ZNF674: variants seen among roughly 807,000 people sequenced by gnomAD.
ZNF674 encodes zinc finger protein 674, also known as zinc finger family member 674.
ZNF674 carries 2 observed loss-of-function variants against 7.0 expected under a neutral mutation model. That is an observed-to-expected ratio of 0.29 (90% confidence interval 0.12 to 0.90). The LOEUF is 0.90. Among genes scored for constraint, ZNF674 ranks in the 40% least tolerant of loss-of-function variants. The probability of loss-of-function intolerance (pLI) is 0.57; values close to 1 mark genes in which losing one functional copy is unlikely to be tolerated. For missense variants in ZNF674, 297 were observed against 415.5 expected, an observed-to-expected ratio of 0.71 and a Z score of 2.48; for synonymous variants, 103 against 145.2, an observed-to-expected ratio of 0.71 and a Z score of 2.09.
chrX:46,500,502 C>T lies in ZNF674; in HGVS notation c.1072G>A (p.Gly358Arg), dbSNP rs755063842. The T allele has an allele frequency of 5.0e-6, 6 of 1,211,884 alleles. No individual in the cohort carries two copies. In the South Asian group the frequency reaches 8.8e-5, roughly 18 times the overall value. The change falls in exon 6 of 6, where the codon GGG becomes AGG. Residue 358 changes from glycine to arginine, a missense_variant. By Grantham distance (125) the Gly-to-Arg change is moderately radical. Transcript: ENST00000683375. ...TSEKPQCSEH[G>R]KASDEKPSPT... Reference sequence around the variant, plus strand: ...CTGGGCTTCTCATCAGAGGCTTTCCCATGTTCACTGCACTGAGGTTTCTCA... The same window carrying T: ...CTGGGCTTCTCATCAGAGGCTTTCCTATGTTCACTGCACTGAGGTTTCTCA...
chrX:46,530,277 G>A (rs1488892857), intron 3 of ZNF674, among the ~76,000 whole-genome samples: 1 of 111,900 alleles, frequency 8.9e-6, no homozygotes, highest in Non-Finnish European at 1.9e-5. Flanking sequence ...GGTTTCTCCA[G>A]CAGGAGGGCT....
intron 3 of ZNF674, chrX:46,529,170 CCTTT>C: frequency 4.7e-6 from 2 of 429,024 alleles, no homozygotes; most frequent in Non-Finnish European, 8.0e-6. Flanking sequence ...TCCACGCTGG[CCTTT>C]CTTTATATAA....
chrX:46,537,276 T>C (rs941164260), intron 3 of ZNF674, among the ~76,000 whole-genome samples: 1 of 108,492 alleles, frequency 9.2e-6, no homozygotes, highest in Non-Finnish European at 1.9e-5. Flanking sequence ...AAAAAAAAAA[T>C]TGACTCACAC....
intron 5 of ZNF674, among the ~76,000 whole-genome samples, chrX:46,519,032 G>A (rs748268430): frequency 2.7e-4 from 29 of 105,711 alleles, no homozygotes; most frequent in Middle Eastern, 5.4e-3. Context: ...GTGAAACCTC[G>A]TGTATACTAA....
At chrX:46,525,988 A>C (rs1942004362) in intron 5 of ZNF674, among the ~76,000 whole-genome samples, 1 of 112,236 alleles carries the variant, frequency 8.9e-6, no homozygotes, top group African/African-American at 3.2e-5. Context: ...ATTTAAGAAG[A>C]TCTAAATAGA....
In ZNF674 at chrX:46,543,615, C is replaced by T. The variant is rs747203337; in HGVS notation, c.-30+886G>A. ...CCTCTCTAACTGGCCACCTACCCTGCTCCCACCCCACCACTTCCTCCTTTC... is the reference window on the plus strand; with the variant it reads ...CCTCTCTAACTGGCCACCTACCCTGTTCCCACCCCACCACTTCCTCCTTTC... On this transcript the variant is annotated intron_variant, in intron 2 of 5. Transcript: ENST00000683375. 5.4e-5 allele frequency among the ~76,000 whole-genome samples: 6 copies of T among 111,972 alleles called. No individual in the cohort carries two copies. In the East Asian group the frequency reaches 1.7e-3, roughly 32 times the overall value.
rs554833183 is a variant in ZNF674 at position 46,504,790 on chromosome X, G to A, written c.239-3455C>T. ...TTCATGATACTGTTTACCTGGGGAG[G>A]AGATAAGAGGAATAGGCCTCAGGAG... is the stretch of plus-strand genomic sequence containing the variant. On this transcript the variant is annotated intron_variant, in intron 5 of 5. Coordinates refer to ENST00000683375, the MANE Select transcript of ZNF674 (RefSeq NM_001190417.2). Among the ~76,000 whole-genome samples, 7 of 111,668 alleles carry A rather than the reference G, an allele frequency of 6.3e-5. No homozygotes were observed. In the South Asian group the frequency reaches 2.6e-3, roughly 42 times the overall value.
At chrX:46,528,757 C>T in intron 4 of ZNF674, 26 bp downstream of exon 4, 2 of 1,211,477 alleles carry the variant, frequency 1.7e-6, no homozygotes, top group Non-Finnish European at 2.2e-6. Context: ...AGGCATTCTG[C>T]ATCACCCTGT....
intron 5 of ZNF674, among the ~76,000 whole-genome samples, chrX:46,503,640 GA>G (rs1055295512): frequency 9.0e-6 from 1 of 111,476 alleles, no homozygotes; most frequent in Non-Finnish European, 1.9e-5. Flanking sequence ...AAAATTACGG[GA>G]AAAGCTACAT....
In ZNF674 at chrX:46,500,465, T is replaced by C. The variant is rs1263795432; in HGVS notation, c.1109A>G (p.His370Arg). 4.1e-6 allele frequency: 5 copies of C among 1,212,152 alleles called. No individual in the cohort carries two copies. The highest frequency in any genetic ancestry group is 2.2e-5 in the Admixed American group (1 of 46,094). The change falls in exon 6 of 6, where the codon CAT becomes CGT. Residue 370 changes from histidine (H) to arginine (R), a missense_variant. Physicochemically the swap from His to Arg is conservative, Grantham distance 29. Coordinates refer to ENST00000683375, the MANE Select transcript of ZNF674 (RefSeq NM_001190417.2). ...ASDEKPSPTK[H>R]WRTHTKENIY... Reference sequence around the variant, plus strand: ...GTTCTCTTTTGTATGAGTTCTCCAATGTTTAGTGGGACTGGGCTTCTCATC... The same window carrying C: ...GTTCTCTTTTGTATGAGTTCTCCAACGTTTAGTGGGACTGGGCTTCTCATC...
rs1157725839 is a variant in ZNF674, at chrX:46,501,654, GTA to G, written c.239-321_239-320del. Among the ~76,000 whole-genome samples, 5 of 95,623 alleles carry G rather than the reference GTA, an allele frequency of 5.2e-5. No homozygotes were observed. In the South Asian group the frequency reaches 2.0e-3, roughly 39 times the overall value. 83.0% of individuals were successfully genotyped at this position (95,623 alleles called of 115,157 possible). On this transcript the variant is annotated intron_variant, in intron 5 of 5. Transcript: ENST00000683375. ...CTTATATATATATATACATATAATT[GTA>G]TATATATGTGTGTGTGTGTGTGTGT...
intron 5 of ZNF674, among the ~76,000 whole-genome samples, chrX:46,502,167 G>C (rs761364418): frequency 9.1e-6 from 1 of 109,322 alleles, no homozygotes; most frequent in Non-Finnish European, 1.9e-5. Flanking sequence ...TTAGCTGGGC[G>C]TGGTGGCAGG....
chrX:46,510,145 G>C (rs772262407), intron 5 of ZNF674, among the ~76,000 whole-genome samples: 1 of 69,512 alleles, frequency 1.4e-5, no homozygotes, highest in Non-Finnish European at 2.5e-5. Context: ...GTTGTGGGGT[G>C]GGGGGAGGGG....
chrX:46,510,689 G>A (rs1408188777), intron 5 of ZNF674, among the ~76,000 whole-genome samples: 1 of 112,195 alleles, frequency 8.9e-6, no homozygotes, highest in Admixed American at 9.5e-5. Context: ...TACTTGGGAG[G>A]CTGAGGCAGG....
At chrX:46,523,315 A>G (rs1390683600) in intron 5 of ZNF674, 2 of 116,760 alleles carry the variant, frequency 1.7e-5, no homozygotes, top group Admixed American at 1.9e-4. Context: ...TCTTATGAAA[A>G]AAACTTTATT....
Position 46,500,406 on chromosome X carries a change from T to A in ZNF674, c.1168A>T (p.Arg390Ter), listed in dbSNP as rs1300526253. The change falls in exon 6 of 6, where the codon AGA becomes TGA. Residue 390 changes from arginine (R) to a stop codon, truncating the protein, a stop_gained. Transcript: ENST00000683375. LOFTEE classifies it low-confidence loss of function (END_TRUNC). ...TGAACAGAGAGGTGTGACTTTCCTCTGAAGCTTTTCCCACATTTACTACAC... is the reference window on the plus strand; with the variant it reads ...TGAACAGAGAGGTGTGACTTTCCTCAGAAGCTTTTCCCACATTTACTACAC... Reference protein sequence around the residue: ...YECSKCGKSFRGKSHLSVHQR... With the variant: ...YECSKCGKSF The A allele has an allele frequency of 5.8e-6, 7 of 1,209,505 alleles. No homozygotes were observed. In the African/African-American group the frequency reaches 1.2e-4, roughly 21 times the overall value.
chrX:46,500,599 G>A lies in ZNF674; in HGVS notation c.975C>T (p.His325=), dbSNP rs766844138. 4.1e-6 allele frequency: 5 copies of A among 1,209,633 alleles called. No individual in the cohort carries two copies. The Admixed American group carries it at 1.1e-4, about 26-fold the overall frequency. ...TACCTTTATAAAATGCTTGTCTAATGTGTGTTTTTTCATGTCTAATAAGAT... is the reference window on the plus strand; with the variant it reads ...TACCTTTATAAAATGCTTGTCTAATATGTGTTTTTTCATGTCTAATAAGAT... ...SYHLIRHEKT[H]IRQAFYKGIK... Residue 325 remains histidine (H), a synonymous_variant, in exon 6 of 6, where the codon CAC becomes CAT. Transcript: ENST00000683375.
intron 5 of ZNF674, among the ~76,000 whole-genome samples, chrX:46,519,273 T>A (rs866813555): frequency 1.4e-3 from 103 of 74,957 alleles, no homozygotes; most frequent in Non-Finnish European, 1.7e-3. Flanking sequence ...TAAAGATAGA[T>A]GATAGATAGA....
chrX:46,532,106 A>G (rs1019710905), intron 3 of ZNF674, among the ~76,000 whole-genome samples: 4 of 111,879 alleles, frequency 3.6e-5, no homozygotes, highest in African/African-American at 1.3e-4. Flanking sequence ...TGGAGGTTGC[A>G]GTGATGAGCC....
Sources: gnomAD v4.1 joint callset for allele counts (sites outside exome capture counted in the v4.1 genomes callset) on GRCh38, gnomAD v4.1.1 for gene constraint, MANE v1.5 for transcripts, NCBI Gene and HGNC (gene_info 2026-07-23, HGNC 2026-07-21) for gene names.